The following CENPO variants were observed in gnomAD, a reference collection of about 807,000 sequenced individuals.
The protein encoded by CENPO is centromeric protein O.
In CENPO, 30 loss-of-function variants were observed where a neutral mutation model predicts 36.1. The observed-to-expected ratio is 0.83, with a 90% confidence interval of 0.62 to 1.13. CENPO has a LOEUF of 1.13. Ranked by LOEUF, CENPO falls within the 50% of genes most tolerant of loss-of-function variation. CENPO has a pLI of 0.00. For synonymous variants in CENPO, 171 were observed against 142.3 expected (o/e 1.20, Z -1.44); for missense variants, 349 against 357.8 (o/e 0.98, Z 0.20).
chr2:24,821,338 T>G lies in CENPO; in HGVS notation c.*2020T>G. The G allele has an allele frequency of 1.1e-6, 1 of 874,842 alleles. No homozygotes were observed. Among genetic ancestry groups the G allele is most frequent in the Non-Finnish European group, 1.7e-6 (1 of 581,390 alleles). The allele number at this position is 874,842 out of a possible 1,614,324, so 54.2% of individuals were successfully genotyped here. A position where few individuals can be genotyped will look rare whatever the true frequency, so the allele number is the denominator to read the frequency against. On this transcript the variant is annotated 3_prime_UTR_variant, in exon 8 of 8. Coordinates refer to ENST00000380834, the MANE Select transcript of CENPO (RefSeq NM_001322101.2). ...TCATCACATCAGCTGGGTTTTTGGT[T>G]TAGTCATCTAGAGTCGTCTGGACTA... is the stretch of plus-strand genomic sequence containing the variant.
rs375206488 is a variant in CENPO at position 24,821,485 on chromosome 2, T to A, written c.*2167T>A. The stretch of plus-strand genomic sequence containing the variant: ...CAGGCCCCTGCATGGGAAGGGAGCC[T>A]GCTGCGGGGCAGGCCAGCTGGGGGT... On this transcript the variant is annotated 3_prime_UTR_variant, in exon 8 of 8. Coordinates refer to ENST00000380834, the MANE Select transcript of CENPO (RefSeq NM_001322101.2). 17 of 1,611,060 alleles carry A rather than the reference T, an allele frequency of 1.1e-5. No individual in the cohort carries two copies. In the African/African-American group the frequency reaches 2.1e-4, roughly 20 times the overall value.
intron 3 of CENPO, among the ~76,000 whole-genome samples, chr2:24,811,194 C>T (rs1043696712): frequency 2.3e-4 from 35 of 152,004 alleles, no homozygotes; most frequent in African/African-American, 7.7e-4. Context: ...ATCTGCCGGT[C>T]CTGGCCTGCC....
rs1421685446 is a variant in CENPO at position 24,815,592 on chromosome 2, A to G, written c.430A>G (p.Ile144Val). The change falls in exon 5 of 8, where the codon ATA becomes GTA. Residue 144 changes from isoleucine (I) to valine (V), a missense_variant. Ile to Val is a conservative substitution (Grantham distance 29). Coordinates refer to ENST00000380834, the MANE Select transcript of CENPO (RefSeq NM_001322101.2). ...GGATTCCTATTTTGTGGACCTTGTC[A>G]TACAGAAACCACTCCGGATACATCA... ...LLDSYFVDLV[I>V]QKPLRIHHHS... 3 of 1,613,972 alleles carry G rather than the reference A, an allele frequency of 1.9e-6. No homozygotes were observed. In the African/African-American group the frequency reaches 4.0e-5, roughly 22 times the overall value.
chr2:24,822,292 T>C lies in CENPO; in HGVS notation c.*2974T>C, dbSNP rs1283330947. On this transcript the variant is annotated 3_prime_UTR_variant, in exon 8 of 8. Transcript: ENST00000380834. ...CCACAGAACACAACCATCTTAGGCCTGAGCTGTGAACAGCAGGGGGTTGTG... is the reference window on the plus strand; with the variant it reads ...CCACAGAACACAACCATCTTAGGCCCGAGCTGTGAACAGCAGGGGGTTGTG... 1.2e-5 allele frequency: 7 copies of C among 567,824 alleles called. No individual in the cohort carries two copies. Among genetic ancestry groups the C allele is most frequent in the Non-Finnish European group, 2.1e-5 (7 of 335,376 alleles). The allele number at this position is 567,824 out of a possible 1,614,324, so 35.2% of individuals were successfully genotyped here. A position where few individuals can be genotyped will look rare whatever the true frequency, so the allele number is the denominator to read the frequency against.
chr2:24,796,905 A>G (rs1389156189), intron 2 of CENPO, among the ~76,000 whole-genome samples: 1 of 152,122 alleles, frequency 6.6e-6, no homozygotes, highest in Admixed American at 6.6e-5. Flanking sequence ...TGAGAGCCTG[A>G]GAGGAGGCCT....
chr2:24,821,282 C>G lies in CENPO; in HGVS notation c.*1964C>G. On this transcript the variant is annotated 3_prime_UTR_variant, in exon 8 of 8. Transcript: ENST00000380834. Reference sequence around the variant, plus strand: ...CTTCTCAGCCAGGCAGGCCAAGCTTCTATTGTAACAGTAGGCACAGTATAG... The same window carrying G: ...CTTCTCAGCCAGGCAGGCCAAGCTTGTATTGTAACAGTAGGCACAGTATAG... 1.9e-6 allele frequency: 1 copy of G among 539,892 alleles called. No homozygotes were observed. The allele number at this position is 539,892 out of a possible 1,614,324, so 33.4% of individuals were successfully genotyped here.
chr2:24,797,037 A>C (rs1451808568), intron 2 of CENPO, among the ~76,000 whole-genome samples: 1 of 152,220 alleles, frequency 6.6e-6, no homozygotes, highest in Non-Finnish European at 1.5e-5. Flanking sequence ...GGATGACACG[A>C]TCCAGTTTAG....
At chr2:24,808,457 C>T (rs1666526346) in intron 3 of CENPO, among the ~76,000 whole-genome samples, 1 of 152,206 alleles carries the variant, frequency 6.6e-6, no homozygotes, top group Admixed American at 6.5e-5. Flanking sequence ...CCGCCTCAGC[C>T]TCCCAAAGTG....
intron 3 of CENPO, among the ~76,000 whole-genome samples, chr2:24,807,492 A>G (rs1422485325): frequency 2.0e-5 from 3 of 152,154 alleles, no homozygotes; most frequent in South Asian, 2.1e-4. Context: ...CTGAATAGCA[A>G]TTCTATTTTA....
At chr2:24,811,947 A>G (rs890678925) in intron 3 of CENPO, among the ~76,000 whole-genome samples, 3 of 152,222 alleles carry the variant, frequency 2.0e-5, no homozygotes, top group Admixed American at 6.5e-5. Flanking sequence ...TCAATCTACC[A>G]TAGTATTTTA....
intron 2 of CENPO, among the ~76,000 whole-genome samples, chr2:24,799,081 C>A (rs541029415): frequency 6.8e-6 from 1 of 147,720 alleles, no homozygotes; most frequent in East Asian, 2.0e-4. Flanking sequence ...CTCACTGCAA[C>A]CTCCGCCTCC....
rs566703884 is a variant in CENPO, at chr2:24,820,275, G to A, written c.*957G>A. The A allele has an allele frequency of 1.5e-4, 180 of 1,218,548 alleles. No homozygotes were observed. In the East Asian group the frequency reaches 3.2e-3, roughly 22 times the overall value. The allele number at this position is 1,218,548 out of a possible 1,614,324, so 75.5% of individuals were successfully genotyped here. Reference sequence around the variant, plus strand: ...AGGGCCAAGCCCTTCCACCCGTGGCGAGCAGCGGGTGGGAAGGAGAACCCT... The same window carrying A: ...AGGGCCAAGCCCTTCCACCCGTGGCAAGCAGCGGGTGGGAAGGAGAACCCT... On this transcript the variant is annotated 3_prime_UTR_variant, in exon 8 of 8. Coordinates refer to ENST00000380834, the MANE Select transcript of CENPO (RefSeq NM_001322101.2).
intron 2 of CENPO, among the ~76,000 whole-genome samples, 178 bp from the exon 3 acceptor site, chr2:24,799,497 T>G (rs1666065800): frequency 6.6e-6 from 1 of 152,172 alleles, no homozygotes; most frequent in African/African-American, 2.4e-5. Flanking sequence ...TTGATGATCT[T>G]TGATTTCAAT....
chr2:24,805,205 G>T (rs1237096246), intron 3 of CENPO, among the ~76,000 whole-genome samples: 1 of 152,120 alleles, frequency 6.6e-6, no homozygotes, highest in African/African-American at 2.4e-5. Flanking sequence ...CTCTGCATTG[G>T]TTATTCTAGT....
chr2:24,819,599 G>A lies in CENPO; in HGVS notation c.*281G>A, dbSNP rs1234464941. On this transcript the variant is annotated 3_prime_UTR_variant, in exon 8 of 8. Transcript: ENST00000380834. The stretch of plus-strand genomic sequence containing the variant: ...TCCCTCCACAGTCCCGGAAAGCCCA[G>A]CGGCAAAGGCAGCTTTGTCCCAGCT... 4.8e-6 allele frequency: 1 copy of A among 207,204 alleles called. No homozygotes were observed. The highest frequency in any genetic ancestry group is 1.2e-4 in the East Asian group (1 of 8,282). The allele number at this position is 207,204 out of a possible 1,614,324, so 12.8% of individuals were successfully genotyped here. A position where few individuals can be genotyped will look rare whatever the true frequency, so the allele number is the denominator to read the frequency against.
At chr2:24,805,316 C>T (rs1666349122) in intron 3 of CENPO, among the ~76,000 whole-genome samples, 1 of 152,230 alleles carries the variant, frequency 6.6e-6, no homozygotes, top group African/African-American at 2.4e-5. Flanking sequence ...AAGCTGTCTT[C>T]TCTCAACTCG....
At chr2:24,797,452 G>T (rs761127772) in intron 2 of CENPO, among the ~76,000 whole-genome samples, 13 of 152,192 alleles carry the variant, frequency 8.5e-5, no homozygotes, top group Non-Finnish European at 1.8e-4. Context: ...GCATCGACAT[G>T]TATGGCCATT....
Position 24,821,635 on chromosome 2 carries a change from G to A in CENPO, c.*2317G>A. 1 of 1,613,978 alleles carries A rather than the reference G, an allele frequency of 6.2e-7. No homozygotes were observed. The highest frequency in any genetic ancestry group is 1.3e-5 in the African/African-American group (1 of 75,066). On this transcript the variant is annotated 3_prime_UTR_variant, in exon 8 of 8. Coordinates refer to ENST00000380834, the MANE Select transcript of CENPO (RefSeq NM_001322101.2). ...GCTGCCAGCGCTCTCTCTCGGACTT[G>A]TCTTCCTGTGCCAGGGGACCGTGGA...
chr2:24,820,492 G>T lies in CENPO; in HGVS notation c.*1174G>T. ...AGGTATTAGAAGGTTCATACCCAAA[G>T]GTAGGCCATATGCATCTAGAACTTC... On this transcript the variant is annotated 3_prime_UTR_variant, in exon 8 of 8. Transcript: ENST00000380834. 3.6e-6 allele frequency: 5 copies of T among 1,400,248 alleles called. No individual in the cohort carries two copies. The highest frequency in any genetic ancestry group is 4.6e-6 in the Non-Finnish European group (5 of 1,079,402). The allele number at this position is 1,400,248 out of a possible 1,614,324, so 86.7% of individuals were successfully genotyped here.
Sources: allele counts gnomAD v4.1 joint callset (sites outside exome capture counted in the v4.1 genomes callset), GRCh38; gene constraint gnomAD v4.1.1; transcripts MANE v1.5; gene names NCBI Gene and HGNC (gene_info 2026-07-23, HGNC 2026-07-21).